The following PTPN9 variants were observed in gnomAD, a reference collection of about 807,000 sequenced individuals.
PTPN9 encodes tyrosine-protein phosphatase non-receptor type 9.
Under a neutral mutation model 69.8 loss-of-function variants are expected in PTPN9, and 26 were observed. The ratio of observed to expected loss-of-function variants is 0.37; its 90% CI spans 0.27 to 0.52. PTPN9 has a LOEUF of 0.52. PTPN9 is among the 20% of genes least tolerant of loss of function. The pLI is 0.91. For missense variants in PTPN9, 549 were observed against 740.3 expected (o/e 0.74, Z 3.00); for synonymous variants, 274 against 272.5 (o/e 1.01, Z -0.05).
intron 1 of PTPN9, among the ~76,000 whole-genome samples, chr15:75,577,913 G>A (rs2075181109): frequency 6.6e-6 from 1 of 152,194 alleles, no homozygotes; most frequent in East Asian, 1.9e-4. Context: ...ATCTTCCTCA[G>A]GAGTGGTCCC....
At position 75,527,211 on chromosome 15, in the gene PTPN9, A is replaced by C. The variant is rs920493765; in HGVS notation, c.114T>G (p.Asn38Lys). The C allele has an allele frequency of 6.2e-7, 1 of 1,614,168 alleles. No individual in the cohort carries two copies. Among genetic ancestry groups the C allele is most frequent in the Non-Finnish European group, 8.5e-7 (1 of 1,180,006 alleles). Reference sequence around the variant, plus strand: ...CCACATTCCAAGACAGCGGGGAAACATTGTACTGAACTGTCCACTTGTTAA... The same window carrying C: ...CCACATTCCAAGACAGCGGGGAAACCTTGTACTGAACTGTCCACTTGTTAA... ...EEINKWTVQY[N>K]VSPLSWNVAV... The change falls in exon 2 of 13, where the codon AAT becomes AAG. Residue 38 changes from asparagine to lysine, a missense_variant. Asn to Lys is a moderately conservative substitution (Grantham distance 94). Around this residue, in one of 3 missense-constraint regions of PTPN9, gnomAD observed 62 missense variants for 53.6 expected, o/e 1.16. Transcript: ENST00000618819.
At chr15:75,549,811 C>G (rs746673522) in intron 1 of PTPN9, among the ~76,000 whole-genome samples, 2 of 152,058 alleles carry the variant, frequency 1.3e-5, no homozygotes, top group Non-Finnish European at 2.9e-5. Flanking sequence ...CTCGTCTCTA[C>G]TAAAATTAAA....
chr15:75,578,819 C>T lies in PTPN9; in HGVS notation c.-43G>A, dbSNP rs1008523314. On this transcript the variant is annotated 5_prime_UTR_variant, in exon 1 of 13. Coordinates refer to ENST00000618819, the MANE Select transcript of PTPN9 (RefSeq NM_002833.4). ...CGGGCGGACAAAACTCGCTCGCGAG[C>T]GCGGGAGCCCGGCGCGCTCGGCCTC... 2.5e-6 allele frequency: 3 copies of T among 1,186,130 alleles called. No homozygotes were observed. The highest frequency in any genetic ancestry group is 3.1e-6 in the Non-Finnish European group (3 of 954,992). 73.5% of individuals were successfully genotyped at this position (1,186,130 alleles called of 1,614,324 possible). A position where few individuals can be genotyped will look rare whatever the true frequency, so the allele number is the denominator to read the frequency against.
intron 4 of PTPN9, among the ~76,000 whole-genome samples, chr15:75,520,065 G>A (rs2074894487): frequency 6.6e-6 from 1 of 152,122 alleles, no homozygotes; most frequent in Non-Finnish European, 1.5e-5. Flanking sequence ...AGGAGTTGAG[G>A]CTGCTGTGAG....
At chr15:75,538,579 C>T (rs2074995194) in intron 1 of PTPN9, among the ~76,000 whole-genome samples, 1 of 152,056 alleles carries the variant, frequency 6.6e-6, no homozygotes, top group South Asian at 2.1e-4. Flanking sequence ...CGCCTACAGT[C>T]CCACAAGTGG....
At chr15:75,479,788 G>T in intron 9 of PTPN9, 60 bp downstream of exon 9, 1 of 1,374,022 alleles carries the variant, frequency 7.3e-7, no homozygotes, top group South Asian at 1.3e-5. Context: ...GCTATCATTT[G>T]GCACAAGGAA....
chr15:75,546,398 CT>C (rs992066138), intron 1 of PTPN9, among the ~76,000 whole-genome samples: 7 of 152,162 alleles, frequency 4.6e-5, no homozygotes, highest in African/African-American at 1.7e-4. Flanking sequence ...AATCCCAGTA[CT>C]TTGGGAGGCC....
intron 1 of PTPN9, among the ~76,000 whole-genome samples, chr15:75,567,921 G>A (rs770290169): frequency 5.3e-5 from 8 of 151,768 alleles, no homozygotes; most frequent in Non-Finnish European, 1.0e-4. Flanking sequence ...GCATTAACCC[G>A]GGAGGTGGAG....
intron 7 of PTPN9, among the ~76,000 whole-genome samples, chr15:75,490,520 G>GGA (rs1184874409): frequency 2.0e-5 from 3 of 152,174 alleles, no homozygotes; most frequent in Non-Finnish European, 4.4e-5. Flanking sequence ...AAAGAGAGAG[G>GGA]GAGACCAGGC....
At chr15:75,487,075 G>A (rs868672534) in intron 8 of PTPN9, among the ~76,000 whole-genome samples, 5 of 151,926 alleles carry the variant, frequency 3.3e-5, no homozygotes, top group Admixed American at 2.6e-4. Flanking sequence ...GTGAGCCACC[G>A]TGCCCGGCAA....
At chr15:75,519,555 C>T (rs2074891807) in intron 4 of PTPN9, among the ~76,000 whole-genome samples, 1 of 152,160 alleles carries the variant, frequency 6.6e-6, no homozygotes, top group Non-Finnish European at 1.5e-5. Context: ...AAAGTTTCTC[C>T]AGCAGACTTA....
chr15:75,550,680 G>A (rs1460446378), intron 1 of PTPN9, among the ~76,000 whole-genome samples: 1 of 151,928 alleles, frequency 6.6e-6, no homozygotes, highest in Non-Finnish European at 1.5e-5. Flanking sequence ...CCAACTATTA[G>A]GGAGGCAGAG....
At chr15:75,471,297 A>G (rs1285390614) in intron 10 of PTPN9, among the ~76,000 whole-genome samples, 2 of 152,168 alleles carry the variant, frequency 1.3e-5, no homozygotes, top group Non-Finnish European at 2.9e-5. Flanking sequence ...AGAAAAAAAA[A>G]GAGTAGAGAA....
At chr15:75,512,245 T>C (rs1315441764) in intron 5 of PTPN9, among the ~76,000 whole-genome samples, 1 of 151,888 alleles carries the variant, frequency 6.6e-6, no homozygotes, top group Non-Finnish European at 1.5e-5. Context: ...TTTTATCAAC[T>C]GGGCTGGAAT....
intron 5 of PTPN9, 84 bp from the exon 6 acceptor site, chr15:75,509,111 C>T (rs2074833936): frequency 9.2e-7 from 1 of 1,084,626 alleles, no homozygotes; most frequent in Non-Finnish European, 1.4e-6. Context: ...CTCTTCTCCC[C>T]ATTCTTACCC....
chr15:75,557,755 T>C (rs866160226), intron 1 of PTPN9, among the ~76,000 whole-genome samples: 2 of 152,334 alleles, frequency 1.3e-5, no homozygotes, highest in East Asian at 1.9e-4. Flanking sequence ...ACTGTAAAGA[T>C]AGCATGACAA....
intron 1 of PTPN9, among the ~76,000 whole-genome samples, chr15:75,560,565 A>T (rs1299951463): frequency 2.0e-5 from 3 of 152,214 alleles, no homozygotes; most frequent in African/African-American, 7.2e-5. Context: ...TAGAAAGTAT[A>T]AAAGAGCAGT....
At chr15:75,564,140 A>G (rs1319535923) in intron 1 of PTPN9, among the ~76,000 whole-genome samples, 1 of 151,836 alleles carries the variant, frequency 6.6e-6, no homozygotes, top group Non-Finnish European at 1.5e-5. Context: ...GTGCAGCAGC[A>G]AAATCATAGC....
At chr15:75,527,396 C>G (rs949898128) in intron 1 of PTPN9, 135 bp from the exon 2 acceptor site, 17 of 933,976 alleles carry the variant, frequency 1.8e-5, no homozygotes, top group Non-Finnish European at 2.5e-5. Flanking sequence ...CAGGGAAAGA[C>G]AAACAAAAAG....
Sources: allele counts gnomAD v4.1 joint callset (sites outside exome capture counted in the v4.1 genomes callset), GRCh38; gene constraint gnomAD v4.1.1; regional missense constraint gnomAD v4.1.1; transcripts MANE v1.5; gene names NCBI Gene and HGNC (gene_info 2026-07-23, HGNC 2026-07-21).